The following LOC728743 variants were observed in gnomAD, a reference collection of about 807,000 sequenced individuals.
the LOC728743 span, chr7:150,405,857 G>A: frequency 6.6e-6 from 1 of 152,324 alleles, no homozygotes; most frequent in Non-Finnish European, 1.5e-5. Flanking sequence ...AGACTGTAGA[G>A]CAAAGAGCTG....
chr7:150,401,155 C>T, the LOC728743 span, among the ~76,000 whole-genome samples: 1 of 152,236 alleles, frequency 6.6e-6, no homozygotes, highest in African/African-American at 2.4e-5. Flanking sequence ...GCTTCTGGAA[C>T]TGCCTGCATC....
chr7:150,408,520 T>G, the LOC728743 span: 5 of 251,104 alleles, frequency 2.0e-5, no homozygotes, highest in East Asian at 1.5e-4. Flanking sequence ...AGAGCCCCTC[T>G]CAGGGCTGGG....
the LOC728743 span, chr7:150,410,188 G>T: frequency 2.5e-6 from 1 of 398,634 alleles, no homozygotes; most frequent in Non-Finnish European, 4.4e-6. Context: ...CTTAAGACCC[G>T]ATAGGTGCAG....
the LOC728743 span, chr7:150,411,984 G>C: frequency 0.7 from 106,627 of 152,154 alleles, 37,594 homozygotes; most frequent in Non-Finnish European, 0.74. Context: ...GAACAGGTCC[G>C]GTGTGAGCCC....
At chr7:150,407,460 C>G in the LOC728743 span, 1 of 397,434 alleles carries the variant, frequency 2.5e-6, no homozygotes, top group East Asian at 3.6e-5. Context: ...TTGAACAAAA[C>G]GGGGCGAAAG....
chr7:150,409,185 C>T, the LOC728743 span, among the ~76,000 whole-genome samples: 2 of 150,586 alleles, frequency 1.3e-5, no homozygotes, highest in South Asian at 4.2e-4. Flanking sequence ...CCAGGTGTCC[C>T]AAGGGGAGGT....
the LOC728743 span, chr7:150,407,536 C>A: frequency 2.5e-6 from 1 of 398,216 alleles, no homozygotes; most frequent in East Asian, 3.6e-5. Context: ...TGTTCCCCGA[C>A]CCCTCTCTCT....
At chr7:150,412,065 G>A in the LOC728743 span, 1 of 152,330 alleles carries the variant, frequency 6.6e-6, no homozygotes, top group Non-Finnish European at 1.5e-5. Flanking sequence ...TCCCTAACTA[G>A]ACAGTTAGCT....
chr7:150,411,173 G>A, the LOC728743 span: 1 of 152,490 alleles, frequency 6.6e-6, no homozygotes, highest in African/African-American at 2.4e-5. Flanking sequence ...CTCAGGGGAA[G>A]CTGGACTGCT....
At chr7:150,410,378 C>T in the LOC728743 span, 1 of 390,640 alleles carries the variant, frequency 2.6e-6, no homozygotes, top group Non-Finnish European at 4.5e-6. Flanking sequence ...GGTGGACAAA[C>T]TCTCCAGGCC....
chr7:150,403,510 A>T, the LOC728743 span, among the ~76,000 whole-genome samples: 1 of 152,224 alleles, frequency 6.6e-6, no homozygotes, highest in Non-Finnish European at 1.5e-5. The surrounding 1 kb of genome is among the most constrained non-coding windows in gnomAD (Gnocchi z 5.1). Context: ...TATGGTCTGC[A>T]GAGGAGATGA....
the LOC728743 span, chr7:150,411,893 C>T: frequency 6.5e-6 from 1 of 153,032 alleles, no homozygotes; most frequent in Non-Finnish European, 1.5e-5. Context: ...CCCCTTTCCT[C>T]TCCTCTACCC....
At chr7:150,407,410 G>A in the LOC728743 span, among the ~76,000 whole-genome samples, 1 of 152,158 alleles carries the variant, frequency 6.6e-6, no homozygotes, top group Non-Finnish European at 1.5e-5. Context: ...AAAGGCAGTG[G>A]AGGAAGAGGA....
At chr7:150,408,150 C>A in the LOC728743 span, 1 of 390,736 alleles carries the variant, frequency 2.6e-6, no homozygotes, top group South Asian at 1.3e-4. Context: ...CGCGAGGGCT[C>A]GCTCAAGACC....
the LOC728743 span, among the ~76,000 whole-genome samples, chr7:150,406,443 G>T: frequency 6.1e-4 from 93 of 152,136 alleles, no homozygotes; most frequent in South Asian, 2.1e-3. Context: ...GGCAGTGGGG[G>T]GTGTGTGTGT....
the LOC728743 span, chr7:150,408,520 T>A: frequency 8.0e-6 from 2 of 251,102 alleles, no homozygotes; most frequent in African/African-American, 2.3e-5. Context: ...AGAGCCCCTC[T>A]CAGGGCTGGG....
the LOC728743 span, among the ~76,000 whole-genome samples, chr7:150,403,533 C>G: frequency 6.6e-6 from 1 of 152,196 alleles, no homozygotes; most frequent in African/African-American, 2.4e-5. This position sits in a 1 kb window ranked among gnomAD's most constrained non-coding sequence, Gnocchi z 5.1. Context: ...ACTGGGGGCT[C>G]TGGCAGGTGA....
the LOC728743 span, among the ~76,000 whole-genome samples, chr7:150,404,143 C>T: frequency 6.6e-6 from 1 of 152,220 alleles, no homozygotes; most frequent in Non-Finnish European, 1.5e-5. Flanking sequence ...GAGAGAGTCG[C>T]GTTTCTCCAC....
the LOC728743 span, chr7:150,408,281 C>G: frequency 3.1e-4 from 116 of 374,130 alleles, no homozygotes; most frequent in African/African-American, 2.2e-3. Context: ...GTCCCCGACC[C>G]CTGGAGATGG....
Sources: gnomAD v4.1 joint callset for allele counts (sites outside exome capture counted in the v4.1 genomes callset) on GRCh38, gnomAD v4.1.1 for gene constraint, Gnocchi (gnomAD v3.1) non-coding constraint, MANE v1.5 for transcripts.